BABAM2: variants seen among roughly 807,000 people sequenced by gnomAD.
BABAM2 encodes the protein BRISC and BRCA1-A complex member 2.
BABAM2 carries 31 observed loss-of-function variants against 54.7 expected under a neutral mutation model. The observed-to-expected ratio is 0.57, with a 90% confidence interval of 0.43 to 0.77. The LOEUF is 0.77. Among genes scored for constraint, BABAM2 ranks in the 30% least tolerant of loss-of-function variants. The pLI is 0.00. For synonymous variants in BABAM2, 167 were observed against 162.9 expected, an observed-to-expected ratio of 1.03 and a Z score of -0.19; for missense variants, 364 against 455.8, an observed-to-expected ratio of 0.80 and a Z score of 1.83.
At position 27,987,806 on chromosome 2, in the gene BABAM2, C is replaced by A. The variant is rs188001667; in HGVS notation, c.206-187C>A. ...CTCCAGTCTGGATGACAAAGTGAGA[C>A]CCTGTCTCAAAAAAAAAAAAAAAAA... On this transcript the variant is annotated intron_variant, in intron 3 of 11. Transcript: ENST00000379624. 6.3e-3 allele frequency among the ~76,000 whole-genome samples: 927 copies of A among 147,414 alleles called. 7 individuals are homozygous for A. The highest frequency in any genetic ancestry group is 7.8e-3 in the Non-Finnish European group (526 of 67,082).
At chr2:28,186,959 A>C (rs1676366770) in intron 7 of BABAM2, among the ~76,000 whole-genome samples, 1 of 151,974 alleles carries the variant, frequency 6.6e-6, no homozygotes, top group Non-Finnish European at 1.5e-5. Flanking sequence ...GCACCCGCCA[A>C]CAAGCCCGGC....
At chr2:28,332,492 A>T (rs1418793420) in intron 11 of BABAM2, among the ~76,000 whole-genome samples, 1 of 152,128 alleles carries the variant, frequency 6.6e-6, no homozygotes, top group Non-Finnish European at 1.5e-5. Context: ...TGGATGACAC[A>T]ATGAGCCAGG....
chr2:28,319,917 G>A (rs2148305100), intron 11 of BABAM2, among the ~76,000 whole-genome samples: 1 of 152,316 alleles, frequency 6.6e-6, no homozygotes. Flanking sequence ...TCACTCCCGA[G>A]GCACTGGGTT....
At chr2:28,177,165 G>A (rs1675099697) in intron 7 of BABAM2, among the ~76,000 whole-genome samples, 1 of 151,864 alleles carries the variant, frequency 6.6e-6, no homozygotes, top group Admixed American at 6.6e-5. Flanking sequence ...AGAGAAAAGT[G>A]TCTAGTCACA....
chr2:27,997,116 A>C lies in BABAM2; in HGVS notation c.300+9029A>C, dbSNP rs551223957. On this transcript the variant is annotated intron_variant, in intron 4 of 11. Coordinates refer to ENST00000379624, the MANE Select transcript of BABAM2 (RefSeq NM_199191.3). ...AATCAATAATTAATAAAAATGTTTG[A>C]TATTAATAAAATGTTCAATAACAAA... is the stretch of plus-strand genomic sequence containing the variant. Among the ~76,000 whole-genome samples, 56 of 152,326 alleles carry C rather than the reference A, an allele frequency of 3.7e-4. 1 individual carries two copies. In the South Asian group the frequency reaches 0.011, roughly 30 times the overall value.
intron 6 of BABAM2, among the ~76,000 whole-genome samples, chr2:28,046,596 G>A (rs769587047): frequency 3.3e-5 from 5 of 152,080 alleles, no homozygotes; most frequent in Non-Finnish European, 7.4e-5. Context: ...ATTTGATGTT[G>A]TTCAGAGAAT....
chr2:28,127,926 C>T (rs113759937), intron 6 of BABAM2, among the ~76,000 whole-genome samples: 1,910 of 151,946 alleles, frequency 0.013, 38 homozygotes, highest in African/African-American at 0.044. Context: ...CCTGCCTCAG[C>T]GTCCCAAGCA....
intron 7 of BABAM2, among the ~76,000 whole-genome samples, chr2:28,222,052 A>T (rs1335867992): frequency 6.6e-6 from 1 of 152,142 alleles, no homozygotes; most frequent in Non-Finnish European, 1.5e-5. Context: ...GGAGGTGCTG[A>T]TGTGAGCCTG....
chr2:28,200,839 G>A lies in BABAM2; in HGVS notation c.681-36363G>A, dbSNP rs760301559. ...GTTGGAGTGCAGTGATGCAATCTTG[G>A]CCCACTGCAACCTCTGCCTCCTGGG... On this transcript the variant is annotated intron_variant, in intron 7 of 11. Coordinates refer to ENST00000379624, the MANE Select transcript of BABAM2 (RefSeq NM_199191.3). Among the ~76,000 whole-genome samples the A allele has an allele frequency of 1.9e-4, 29 of 152,112 alleles. 1 individual carries two copies. The highest frequency in any genetic ancestry group is 1.9e-3 in the Admixed American group (29 of 15,264).
chr2:28,237,862 AT>A (rs1014505961), intron 8 of BABAM2, among the ~76,000 whole-genome samples: 2 of 150,728 alleles, frequency 1.3e-5, no homozygotes, highest in African/African-American at 2.4e-5. Flanking sequence ...TTTTATTTTT[AT>A]TTTTTTTGAG....
At chr2:28,185,016 C>A (rs1363423827) in intron 7 of BABAM2, among the ~76,000 whole-genome samples, 1 of 152,064 alleles carries the variant, frequency 6.6e-6, no homozygotes, top group South Asian at 2.1e-4. Context: ...TTATGTTACT[C>A]TCACAAGTTT....
intron 7 of BABAM2, among the ~76,000 whole-genome samples, chr2:28,230,614 C>T (rs2148038630): frequency 6.6e-6 from 1 of 150,984 alleles, no homozygotes. Flanking sequence ...GTTCCAGCTA[C>T]TCAGGAGGCT....
intron 3 of BABAM2, among the ~76,000 whole-genome samples, chr2:27,983,814 A>G (rs1029589075): frequency 2.0e-5 from 3 of 151,700 alleles, no homozygotes; most frequent in Non-Finnish European, 2.9e-5. Context: ...GTATCTTGCA[A>G]CCTTGCTGAA....
intron 8 of BABAM2, among the ~76,000 whole-genome samples, chr2:28,239,379 G>T (rs1292593913): frequency 6.6e-6 from 1 of 152,142 alleles, no homozygotes; most frequent in Non-Finnish European, 1.5e-5. Context: ...AAACAATTTT[G>T]GGGGTCTCTC....
chr2:27,990,371 A>C (rs1672696426), intron 4 of BABAM2, among the ~76,000 whole-genome samples: 1 of 152,174 alleles, frequency 6.6e-6, no homozygotes, highest in Non-Finnish European at 1.5e-5. Context: ...CTCACTTGTT[A>C]ACAGATTTTG....
At chr2:28,032,338 A>G (rs760064717) in intron 5 of BABAM2, among the ~76,000 whole-genome samples, 14 of 152,308 alleles carry the variant, frequency 9.2e-5, no homozygotes, top group South Asian at 2.1e-4. Context: ...GGAAAATGTT[A>G]CCATGTAGAA....
At chr2:27,957,028 A>G (rs1670139879) in intron 3 of BABAM2, among the ~76,000 whole-genome samples, 1 of 152,226 alleles carries the variant, frequency 6.6e-6, no homozygotes, top group Non-Finnish European at 1.5e-5. Flanking sequence ...AAAGTATATC[A>G]TGACTAAGGA....
In BABAM2 at chr2:27,894,018, A is replaced by G. The variant is rs541694097; in HGVS notation, c.-24-515A>G. ...AAAAAAAAAAGAAAAAAAAAGAAAG[A>G]TATATCAGCAGTAAATAATTTCTAG... is the stretch of plus-strand genomic sequence containing the variant. On this transcript the variant is annotated intron_variant, in intron 1 of 11. Coordinates refer to ENST00000379624, the MANE Select transcript of BABAM2 (RefSeq NM_199191.3). Among the ~76,000 whole-genome samples the G allele has an allele frequency of 6.4e-3, 971 of 150,774 alleles. 2 individuals carry two copies. The highest frequency in any genetic ancestry group is 0.012 in the Admixed American group (180 of 15,172).
chr2:28,333,255 C>T (rs1247509314), intron 11 of BABAM2, among the ~76,000 whole-genome samples: 1 of 152,156 alleles, frequency 6.6e-6, no homozygotes, highest in South Asian at 2.1e-4. Flanking sequence ...AGTCACTTGC[C>T]CTCATGATCA....
Sources: gnomAD v4.1 joint callset for allele counts (sites outside exome capture counted in the v4.1 genomes callset) on GRCh38, gnomAD v4.1.1 for gene constraint, MANE v1.5 for transcripts, NCBI Gene and HGNC (gene_info 2026-07-23, HGNC 2026-07-21) for gene names.